AK9: variants seen among roughly 807,000 people sequenced by gnomAD.
The protein encoded by AK9 is adenylate kinase domain containing 1.
Under a neutral mutation model 239.6 loss-of-function variants are expected in AK9, and 191 were observed. That is an observed-to-expected ratio of 0.80 (90% CI 0.71 to 0.90). The LOEUF is 0.90. Ranked by LOEUF, AK9 falls within the 40% of genes least tolerant of loss-of-function variation. The pLI, the probability that AK9 is intolerant of heterozygous loss-of-function variation, is 0.00. For synonymous variants in AK9, 689 were observed against 721.0 expected (o/e 0.96, Z 0.71); for missense variants, 1,995 against 2,214.7 (o/e 0.90, Z 1.99).
rs746980960 is a variant in AK9, at chr6:109,550,181, C to T, written c.2873G>A (p.Arg958Gln). 4.1e-5 allele frequency: 66 copies of T among 1,613,714 alleles called. No individual in the cohort carries two copies. In the East Asian group the frequency reaches 6.7e-4, roughly 16 times the overall value. ...PGNTEEAAKY[R>Q]EKIYYFSSAE... ...ACTTGAAAAGTAGTAGATCTTTTCT[C>T]GATACTTGGCTGCTTCTTCTGTGTT... is the stretch of plus-strand genomic sequence containing the variant. Residue 958 changes from arginine to glutamine, a missense_variant, in exon 25 of 41, where the codon CGA becomes CAA. Transcript: ENST00000424296.
chr6:109,507,685 G>C (rs1275578681), intron 33 of AK9, among the ~76,000 whole-genome samples: 1 of 152,148 alleles, frequency 6.6e-6, no homozygotes, highest in Non-Finnish European at 1.5e-5. Flanking sequence ...AGTTTGGTTT[G>C]ACCTAAGCCA....
At chr6:109,641,481 T>C (rs763124856) in intron 10 of AK9, 37 bp downstream of exon 10, 1 of 1,551,288 alleles carries the variant, frequency 6.4e-7, no homozygotes, top group Non-Finnish European at 8.9e-7. Flanking sequence ...CAACATATAT[T>C]GAAAATTAGA....
chr6:109,641,681 T>C (rs1797468449), intron 9 of AK9, 65 bp from the exon 10 acceptor site: 1 of 1,419,206 alleles, frequency 7.0e-7, no homozygotes, highest in Non-Finnish European at 9.8e-7. Context: ...TCTGAAACAG[T>C]GGTGGGCTTA....
intron 17 of AK9, among the ~76,000 whole-genome samples, chr6:109,599,514 C>G (rs1314452430): frequency 1.3e-5 from 2 of 152,200 alleles, no homozygotes; most frequent in African/African-American, 4.8e-5. Flanking sequence ...AGCATGCTGC[C>G]TCCAGCTTTG....
intron 1 of AK9, among the ~76,000 whole-genome samples, chr6:109,681,889 A>G (rs1159896689): frequency 2.0e-5 from 3 of 152,200 alleles, no homozygotes; most frequent in East Asian, 1.9e-4. Context: ...TTTGAAACCA[A>G]TGAGAATGAA....
chr6:109,558,237 T>G (rs1030043966), intron 24 of AK9, among the ~76,000 whole-genome samples: 1 of 152,206 alleles, frequency 6.6e-6, no homozygotes, highest in Non-Finnish European at 1.5e-5. Flanking sequence ...TTCTTACTTT[T>G]GACGAAGGCC....
chr6:109,506,217 T>C (rs1271983071), intron 35 of AK9, 110 bp downstream of exon 35: 8 of 925,378 alleles, frequency 8.6e-6, no homozygotes, highest in Non-Finnish European at 1.3e-5. Flanking sequence ...GAAATACTTA[T>C]TAAGTCACGC....
At chr6:109,534,834 CTATGAGTGAGAA>C (rs1781762505) in intron 27 of AK9, among the ~76,000 whole-genome samples, 1 of 152,034 alleles carries the variant, frequency 6.6e-6, no homozygotes, top group South Asian at 2.1e-4. Context: ...CAATTCCCAC[CTATGAGTGAGAA>C]TATGCGGTGT....
chr6:109,613,709 A>G (rs1793837252), intron 15 of AK9, among the ~76,000 whole-genome samples: 1 of 151,232 alleles, frequency 6.6e-6, no homozygotes, highest in Admixed American at 6.6e-5. Flanking sequence ...AATATATTAC[A>G]GCTATTCTAT....
chr6:109,632,156 G>A, intron 12 of AK9: 3 of 985,172 alleles, frequency 3.0e-6, no homozygotes, highest in Non-Finnish European at 3.6e-6. Context: ...TTTTCTGTAT[G>A]TTTGTCATGT....
intron 17 of AK9, among the ~76,000 whole-genome samples, chr6:109,594,729 T>C (rs1220046847): frequency 6.6e-6 from 1 of 152,170 alleles, no homozygotes; most frequent in Admixed American, 6.6e-5. Context: ...CAACTGATCT[T>C]TGACAAACTG....
At chr6:109,682,351 C>T (rs1278501623) in intron 1 of AK9, among the ~76,000 whole-genome samples, 5 of 145,170 alleles carry the variant, frequency 3.4e-5, no homozygotes, top group African/African-American at 1.0e-4. Flanking sequence ...GGCGTGAACC[C>T]GGGAGGCGGA....
At chr6:109,550,514 G>A (rs1784234838) in intron 24 of AK9, 1 of 423,098 alleles carries the variant, frequency 2.4e-6, no homozygotes, top group South Asian at 3.9e-5. Flanking sequence ...ATTTTCATGA[G>A]GAAAATAAAG....
intron 1 of AK9, among the ~76,000 whole-genome samples, chr6:109,684,596 C>T (rs1304381880): frequency 6.6e-6 from 1 of 151,738 alleles, no homozygotes; most frequent in African/African-American, 2.4e-5. Flanking sequence ...CAAAGGAGGC[C>T]GGGCGCGGTG....
At chr6:109,684,853 G>A (rs1362806643) in intron 1 of AK9, among the ~76,000 whole-genome samples, 3 of 103,746 alleles carry the variant, frequency 2.9e-5, no homozygotes, top group Admixed American at 1.3e-4. Flanking sequence ...CAGCCTGGGC[G>A]ACAGAGTGAG....
At chr6:109,588,434 A>G (rs1040680702) in intron 17 of AK9, among the ~76,000 whole-genome samples, 1 of 151,950 alleles carries the variant, frequency 6.6e-6, no homozygotes, top group African/African-American at 2.4e-5. Flanking sequence ...CCACTTTTTA[A>G]TGGGGTTATT....
At chr6:109,590,473 A>G (rs1254556191) in intron 17 of AK9, among the ~76,000 whole-genome samples, 2 of 152,020 alleles carry the variant, frequency 1.3e-5, no homozygotes, top group Non-Finnish European at 2.9e-5. Flanking sequence ...TTGATTATCT[A>G]GCTATCAATT....
At chr6:109,678,986 C>T (rs1033148233) in intron 1 of AK9, among the ~76,000 whole-genome samples, 3 of 152,206 alleles carry the variant, frequency 2.0e-5, no homozygotes, top group Admixed American at 6.5e-5. Context: ...CCCTCTGATG[C>T]CTACGCCACC....
At chr6:109,504,313 A>G (rs1186312028) in intron 35 of AK9, among the ~76,000 whole-genome samples, 1 of 152,032 alleles carries the variant, frequency 6.6e-6, no homozygotes, top group African/African-American at 2.4e-5. Context: ...ACAGTGAGTT[A>G]TGATTGTACC....
Sources: gnomAD v4.1 joint callset for allele counts (sites outside exome capture counted in the v4.1 genomes callset) on GRCh38, gnomAD v4.1.1 for gene constraint, MANE v1.5 for transcripts, NCBI Gene and HGNC (gene_info 2026-07-23, HGNC 2026-07-21) for gene names.